The following GIPC2 variants were observed in gnomAD, a reference collection of about 807,000 sequenced individuals.
GIPC2 encodes PDZ domain-containing protein GIPC2.
GIPC2 carries 30 observed loss-of-function variants against 30.6 expected under a neutral mutation model. The ratio of observed to expected loss-of-function variants is 0.98; its 90% CI spans 0.73 to 1.33. The LOEUF is 1.33. Among genes scored for constraint, GIPC2 ranks in the 40% most tolerant of loss-of-function variants. The pLI is 0.00. For missense variants in GIPC2, 414 were observed against 390.3 expected, an observed-to-expected ratio of 1.06 and a Z score of -0.51; for synonymous variants, 167 against 150.0, an observed-to-expected ratio of 1.11 and a Z score of -0.83.
At chr1:78,096,096 G>T (rs184536454) in intron 3 of GIPC2, among the ~76,000 whole-genome samples, 2 of 152,266 alleles carry the variant, frequency 1.3e-5, no homozygotes, top group African/African-American at 4.8e-5. Flanking sequence ...ACAAGTGTAG[G>T]TTATATTACC....
chr1:78,053,027 A>AC (rs760794831), intron 1 of GIPC2, among the ~76,000 whole-genome samples: 3 of 152,118 alleles, frequency 2.0e-5, no homozygotes, highest in Non-Finnish European at 4.4e-5. Flanking sequence ...TGCATATAGC[A>AC]CCCCCTGCCC....
intron 5 of GIPC2, among the ~76,000 whole-genome samples, chr1:78,132,141 T>G (rs1662910795): frequency 6.6e-6 from 1 of 152,346 alleles, no homozygotes; most frequent in African/African-American, 2.4e-5. Flanking sequence ...ATTATTAAAC[T>G]TAGAATCCTA....
chr1:78,067,469 T>A (rs1661540345), intron 1 of GIPC2, among the ~76,000 whole-genome samples: 1 of 152,210 alleles, frequency 6.6e-6, no homozygotes, highest in African/African-American at 2.4e-5. Flanking sequence ...TTCTTTTTTT[T>A]GAGATGGAAT....
intron 5 of GIPC2, among the ~76,000 whole-genome samples, chr1:78,133,887 T>C (rs1662951615): frequency 6.6e-6 from 1 of 152,128 alleles, no homozygotes; most frequent in South Asian, 2.1e-4. Context: ...ATCCCTGATT[T>C]GGTCAGTGTG....
chr1:78,125,858 T>G (rs750676869), intron 4 of GIPC2, 23 bp from the exon 5 acceptor site: 29 of 1,326,174 alleles, frequency 2.2e-5, no homozygotes, highest in Non-Finnish European at 3.2e-5. Context: ...TATAATATCT[T>G]ATTTCTCTCT....
chr1:78,056,263 G>C (rs776318945), intron 1 of GIPC2, among the ~76,000 whole-genome samples: 1 of 152,150 alleles, frequency 6.6e-6, no homozygotes, highest in Non-Finnish European at 1.5e-5. Flanking sequence ...GATCACTTGA[G>C]CTCAGGAGTT....
chr1:78,097,556 C>T (rs1388984173), intron 3 of GIPC2, among the ~76,000 whole-genome samples: 2 of 152,192 alleles, frequency 1.3e-5, no homozygotes, highest in Admixed American at 6.5e-5. Context: ...ACTGCAAGCA[C>T]CACTTCTTTG....
intron 3 of GIPC2, among the ~76,000 whole-genome samples, chr1:78,114,950 A>G (rs1332381184): frequency 2.0e-5 from 3 of 152,136 alleles, no homozygotes; most frequent in South Asian, 4.1e-4. Context: ...TTTGCTCTGA[A>G]CCTAAAACTG....
At chr1:78,051,732 T>C (rs1661201227) in intron 1 of GIPC2, among the ~76,000 whole-genome samples, 1 of 152,200 alleles carries the variant, frequency 6.6e-6, no homozygotes, top group Non-Finnish European at 1.5e-5. Context: ...TGACCTCAGG[T>C]GATCTGCCTG....
At chr1:78,117,949 T>G (rs1203856239) in intron 3 of GIPC2, among the ~76,000 whole-genome samples, 6 of 152,036 alleles carry the variant, frequency 3.9e-5, no homozygotes, top group Admixed American at 2.6e-4. Flanking sequence ...TCTCTTTTCT[T>G]TTCTTTTCTT....
intron 5 of GIPC2, among the ~76,000 whole-genome samples, chr1:78,132,245 T>C (rs1662912770): frequency 6.6e-6 from 1 of 152,200 alleles, no homozygotes; most frequent in South Asian, 2.1e-4. Context: ...ACATCATAAA[T>C]AATAATGGGT....
Position 78,135,792 on chromosome 1 carries a change from C to G in GIPC2, c.*49C>G, listed in dbSNP as rs1357609849. On this transcript the variant is annotated 3_prime_UTR_variant, in exon 6 of 6. Transcript: ENST00000370759. ...AACAACCCATCGTTCTTTTTTTTCT[C>G]TTTTTTAAAAAGTCCTATAAGATCT... 13 of 1,519,492 alleles carry G rather than the reference C, an allele frequency of 8.6e-6. No homozygotes were observed. Among genetic ancestry groups the G allele is most frequent in the African/African-American group, 4.2e-5 (3 of 71,044 alleles). The allele number at this position is 1,519,492 out of a possible 1,614,324, so 94.1% of individuals were successfully genotyped here. A position where few individuals can be genotyped will look rare whatever the true frequency, so the allele number is the denominator to read the frequency against.
intron 1 of GIPC2, among the ~76,000 whole-genome samples, chr1:78,076,850 C>T (rs1661725815): frequency 6.6e-6 from 1 of 152,110 alleles, no homozygotes; most frequent in African/African-American, 2.4e-5. Flanking sequence ...CTCACTGTAA[C>T]CTCTGCCTCC....
At chr1:78,055,116 C>T (rs1661264499) in intron 1 of GIPC2, among the ~76,000 whole-genome samples, 1 of 152,170 alleles carries the variant, frequency 6.6e-6, no homozygotes, top group Admixed American at 6.5e-5. Flanking sequence ...GATGTGCCGG[C>T]CATGTGGTAT....
intron 5 of GIPC2, among the ~76,000 whole-genome samples, chr1:78,132,943 A>T (rs1662928179): frequency 6.6e-6 from 1 of 152,238 alleles, no homozygotes; most frequent in South Asian, 2.1e-4. Context: ...AAAGCCTATG[A>T]GAAAGAGTTA....
At chr1:78,071,296 TTTAAA>T (rs1286880552) in intron 1 of GIPC2, among the ~76,000 whole-genome samples, 5 of 152,238 alleles carry the variant, frequency 3.3e-5, no homozygotes, top group Non-Finnish European at 7.4e-5. Context: ...TTTATAATAA[TTTAAA>T]TTAAATAATG....
At chr1:78,118,148 C>G (rs1662604706) in intron 3 of GIPC2, among the ~76,000 whole-genome samples, 1 of 151,218 alleles carries the variant, frequency 6.6e-6, no homozygotes, top group Admixed American at 6.6e-5. Context: ...GTCTTGAACT[C>G]TTGGGCTCAA....
chr1:78,099,717 C>T (rs912125539), intron 3 of GIPC2, among the ~76,000 whole-genome samples: 20 of 151,962 alleles, frequency 1.3e-4, no homozygotes, highest in African/African-American at 3.9e-4. Flanking sequence ...GGATTACAGG[C>T]GTGAGTCACT....
At chr1:78,111,745 C>T (rs749442850) in intron 3 of GIPC2, among the ~76,000 whole-genome samples, 10 of 152,214 alleles carry the variant, frequency 6.6e-5, no homozygotes, top group African/African-American at 2.4e-4. Context: ...ATCTTTCATA[C>T]AGTGGTCATT....
Sources: allele counts gnomAD v4.1 joint callset (sites outside exome capture counted in the v4.1 genomes callset), GRCh38; gene constraint gnomAD v4.1.1; transcripts MANE v1.5; gene names NCBI Gene and HGNC (gene_info 2026-07-23, HGNC 2026-07-21).